CAMTA1: variants seen among roughly 807,000 people sequenced by gnomAD.
The protein encoded by CAMTA1 is calmodulin-binding transcription activator 1.
Under a neutral mutation model 170.9 loss-of-function variants are expected in CAMTA1, and 27 were observed. The observed-to-expected ratio is 0.16, with a 90% CI of 0.12 to 0.22. The LOEUF is 0.22. Ranked by LOEUF, CAMTA1 falls within the 10% of genes least tolerant of loss-of-function variation. The probability of loss-of-function intolerance (pLI) is 1.00; values close to 1 mark genes in which losing one functional copy is unlikely to be tolerated. For synonymous variants in CAMTA1, 833 were observed against 891.5 expected, an observed-to-expected ratio of 0.93 and a Z score of 1.17; for missense variants, 1,619 against 2,217.2, an observed-to-expected ratio of 0.73 and a Z score of 5.42.
intron 3 of CAMTA1, among the ~76,000 whole-genome samples, chr1:6,917,643 A>T (rs1180085227): frequency 6.6e-6 from 1 of 151,746 alleles, no homozygotes. Flanking sequence ...AGCAGAGGAG[A>T]GTTCAGTTGG....
chr1:7,205,967 T>G (rs1337684512), intron 4 of CAMTA1, among the ~76,000 whole-genome samples: 1 of 152,260 alleles, frequency 6.6e-6, no homozygotes, highest in Non-Finnish European at 1.5e-5. Flanking sequence ...TAAAAACATC[T>G]GTTTTCTCCA....
At chr1:7,712,326 AT>A (rs112270408) in intron 11 of CAMTA1, among the ~76,000 whole-genome samples, 172 of 146,306 alleles carry the variant, frequency 1.2e-3, no homozygotes, top group African/African-American at 1.5e-3. Flanking sequence ...TATAATTACT[AT>A]TTTTTTTTTT....
At chr1:6,826,929 T>A (rs1394700704) in intron 3 of CAMTA1, among the ~76,000 whole-genome samples, 3 of 152,212 alleles carry the variant, frequency 2.0e-5, no homozygotes, top group Non-Finnish European at 4.4e-5. Flanking sequence ...AACTTTCACA[T>A]GTTTAATAAA....
intron 3 of CAMTA1, among the ~76,000 whole-genome samples, chr1:6,999,230 G>C (rs1697808566): frequency 6.6e-6 from 1 of 152,070 alleles, no homozygotes; most frequent in African/African-American, 2.4e-5. Flanking sequence ...ATAAACATAG[G>C]GTTTGTCTTT....
chr1:7,477,902 T>A (rs566719981), intron 6 of CAMTA1, among the ~76,000 whole-genome samples: 1 of 152,356 alleles, frequency 6.6e-6, no homozygotes, highest in African/African-American at 2.4e-5. Flanking sequence ...CAGGAAAGTC[T>A]TCCTCCTGGC....
chr1:7,246,684 T>TTTC, intron 4 of CAMTA1, among the ~76,000 whole-genome samples: 1 of 145,110 alleles, frequency 6.9e-6, no homozygotes, highest in African/African-American at 2.6e-5. Flanking sequence ...TTTTTTTTTT[T>TTTC]TTTTTTTTGA....
chr1:7,028,578 C>T (rs1446468793), intron 3 of CAMTA1, among the ~76,000 whole-genome samples: 2 of 152,196 alleles, frequency 1.3e-5, no homozygotes, highest in Non-Finnish European at 2.9e-5. Flanking sequence ...ATCCTTTCTC[C>T]TGATGTTTCT....
At chr1:7,508,814 G>A (rs927177602) in intron 6 of CAMTA1, among the ~76,000 whole-genome samples, 4 of 152,078 alleles carry the variant, frequency 2.6e-5, no homozygotes, top group African/African-American at 9.7e-5. Flanking sequence ...GAGGAGAGGG[G>A]CATCCACACC....
intron 5 of CAMTA1, among the ~76,000 whole-genome samples, chr1:7,458,762 A>G (rs1047735431): frequency 6.6e-5 from 10 of 152,248 alleles, no homozygotes; most frequent in South Asian, 4.1e-4. Context: ...CAGGGCCACA[A>G]GCTGCTTTGG....
At chr1:7,531,385 G>A (rs1392227673) in intron 6 of CAMTA1, among the ~76,000 whole-genome samples, 1 of 152,216 alleles carries the variant, frequency 6.6e-6, no homozygotes, top group African/African-American at 2.4e-5. Context: ...CTCGCTGGGG[G>A]TTCCATGAGC....
chr1:7,747,451 T>A (rs2096864968), intron 18 of CAMTA1, among the ~76,000 whole-genome samples: 1 of 152,230 alleles, frequency 6.6e-6, no homozygotes, highest in Non-Finnish European at 1.5e-5. Flanking sequence ...GTACAATGCC[T>A]AATTTGTTAA....
chr1:7,059,129 C>T (rs917524819), intron 3 of CAMTA1, among the ~76,000 whole-genome samples: 2 of 152,334 alleles, frequency 1.3e-5, no homozygotes, highest in South Asian at 4.2e-4. Context: ...CTTCCTTTCC[C>T]ATCCCAGGCT....
chr1:7,441,420 A>G (rs1226978468), intron 5 of CAMTA1: 1 of 152,186 alleles, frequency 6.6e-6, no homozygotes, highest in Admixed American at 6.5e-5. Flanking sequence ...GGGGATAAAG[A>G]ACAGTATCAG....
At chr1:7,287,796 TTG>T (rs1457968831) in intron 5 of CAMTA1, among the ~76,000 whole-genome samples, 1 of 152,186 alleles carries the variant, frequency 6.6e-6, no homozygotes, top group Non-Finnish European at 1.5e-5. Context: ...GCTCCTTCTA[TTG>T]TGTGGCTCCA....
intron 3 of CAMTA1, among the ~76,000 whole-genome samples, chr1:7,051,053 T>C (rs1706267640): frequency 3.3e-5 from 5 of 152,036 alleles, no homozygotes; most frequent in Admixed American, 2.6e-4. Flanking sequence ...TATGTTTTGG[T>C]CGTGATTGGT....
In CAMTA1 at chr1:7,155,076, C is replaced by T. The variant is rs1198142956; in HGVS notation, c.302+63705C>T. Reference sequence around the variant, plus strand: ...GATGAGTAAAAGGTACACGGCTGAACATCAGTGCCAGTGAGTGAGAGGCTA... The same window carrying T: ...GATGAGTAAAAGGTACACGGCTGAATATCAGTGCCAGTGAGTGAGAGGCTA... On this transcript the variant is annotated intron_variant, in intron 4 of 22. Transcript: ENST00000303635. Among the ~76,000 whole-genome samples, 4 of 152,152 alleles carry T rather than the reference C, an allele frequency of 2.6e-5. No homozygotes were observed. The East Asian group carries it at 5.8e-4, about 22-fold the overall frequency.
rs1347882938 is a variant in CAMTA1, at chr1:7,281,755, C to T, written c.438+32129C>T. 2.0e-5 allele frequency among the ~76,000 whole-genome samples: 3 copies of T among 150,510 alleles called. No individual in the cohort carries two copies. In the South Asian group the frequency reaches 6.3e-4, roughly 32 times the overall value. ...ATTATCATTGCAAAATTTTCCAAAT[C>T]CATGTGGATTTTTTTTGTTGTTGTT... is the stretch of plus-strand genomic sequence containing the variant. On this transcript the variant is annotated intron_variant, in intron 5 of 22. Coordinates refer to ENST00000303635, the MANE Select transcript of CAMTA1 (RefSeq NM_015215.4).
chr1:7,130,714 A>G (rs1302746113), intron 4 of CAMTA1, among the ~76,000 whole-genome samples: 4 of 152,138 alleles, frequency 2.6e-5, no homozygotes, highest in Non-Finnish European at 5.9e-5. Flanking sequence ...TGACAGTCCT[A>G]TAAACACACT....
intron 4 of CAMTA1, among the ~76,000 whole-genome samples, chr1:7,183,758 G>A (rs1652701094): frequency 1.3e-5 from 2 of 152,130 alleles, no homozygotes; most frequent in Admixed American, 6.5e-5. Context: ...GGGACTGAAG[G>A]CAGGTGAGCA....
Sources: allele counts gnomAD v4.1 joint callset (sites outside exome capture counted in the v4.1 genomes callset), GRCh38; gene constraint gnomAD v4.1.1; transcripts MANE v1.5; gene names NCBI Gene and HGNC (gene_info 2026-07-23, HGNC 2026-07-21).